The following SETDB2 variants were observed in gnomAD, a reference collection of about 807,000 sequenced individuals.
The protein encoded by SETDB2 is SET domain bifurcated histone lysine methyltransferase 2.
In SETDB2, 56 loss-of-function variants were observed where a neutral mutation model predicts 82.5. The ratio of observed to expected loss-of-function variants is 0.68; its 90% CI spans 0.55 to 0.85. The LOEUF is 0.85. Ranked by LOEUF, SETDB2 falls within the 40% of genes least tolerant of loss-of-function variation. The pLI, the probability that SETDB2 is intolerant of heterozygous loss-of-function variation, is 0.00. For missense variants in SETDB2, 677 were observed against 816.4 expected (o/e 0.83, Z 2.08); for synonymous variants, 272 against 284.9 (o/e 0.95, Z 0.46).
At chr13:49,447,509 G>C (rs1460629372) in intron 1 of SETDB2, among the ~76,000 whole-genome samples, 2 of 152,092 alleles carry the variant, frequency 1.3e-5, no homozygotes, top group African/African-American at 4.8e-5. Context: ...CTGTCATTGA[G>C]TAGGATGTTT....
intron 6 of SETDB2, 60 bp from the exon 7 acceptor site, chr13:49,480,159 A>C: frequency 9.5e-7 from 1 of 1,053,240 alleles, no homozygotes; most frequent in South Asian, 1.5e-5. Context: ...TTATCAAGAC[A>C]GTCTCTTGAC....
intron 2 of SETDB2, among the ~76,000 whole-genome samples, chr13:49,452,592 A>G (rs1325201334): frequency 1.3e-5 from 2 of 152,312 alleles, no homozygotes; most frequent in African/African-American, 4.8e-5. Flanking sequence ...TCCATAGTAT[A>G]TTCACGTTAG....
intron 3 of SETDB2, among the ~76,000 whole-genome samples, chr13:49,460,856 A>G (rs1016735971): frequency 2.0e-5 from 3 of 152,190 alleles, no homozygotes; most frequent in African/African-American, 7.2e-5. Flanking sequence ...TTCCTTGTCA[A>G]TCCTTCATGA....
chr13:49,447,848 T>TA (rs367992923), intron 1 of SETDB2, among the ~76,000 whole-genome samples: 1 of 151,874 alleles, frequency 6.6e-6, no homozygotes, highest in Non-Finnish European at 1.5e-5. Context: ...ACTTATCTCA[T>TA]AAAAAAAAGT....
Position 49,451,897 on chromosome 13 carries a change from G to A in SETDB2, c.4G>A (p.Gly2Arg). 2 of 1,593,452 alleles carry A rather than the reference G, an allele frequency of 1.3e-6. No individual in the cohort carries two copies. The highest frequency in any genetic ancestry group is 1.7e-6 in the Non-Finnish European group (2 of 1,167,424). M[G>R]EKNGDAKTFW... ...TATTTATAAGCGACATCAAAAGATG[G>A]GAGAAAAAAATGGTAGGTTGAAGAA... Residue 2 changes from glycine (G) to arginine (R), a missense_variant, in exon 2 of 14, where the codon GGA becomes AGA. Gly to Arg is a moderately radical substitution (Grantham distance 125). Transcript: ENST00000611815.
At chr13:49,475,099 G>A (rs1455070717) in intron 5 of SETDB2, among the ~76,000 whole-genome samples, 1 of 152,204 alleles carries the variant, frequency 6.6e-6, no homozygotes, top group Non-Finnish European at 1.5e-5. Context: ...GGCTGGAGAG[G>A]CCTCACACTC....
At chr13:49,447,700 C>T (rs1215994916) in intron 1 of SETDB2, among the ~76,000 whole-genome samples, 3 of 152,018 alleles carry the variant, frequency 2.0e-5, no homozygotes, top group Non-Finnish European at 4.4e-5. Flanking sequence ...TCATGTTAAA[C>T]TTTTTAGGTA....
chr13:49,470,586 A>C (rs931804188), intron 5 of SETDB2, among the ~76,000 whole-genome samples: 8 of 152,152 alleles, frequency 5.3e-5, no homozygotes, highest in African/African-American at 1.9e-4. Flanking sequence ...GGTGGCTCAC[A>C]CCTGTAATCC....
chr13:49,463,990 A>G (rs1933692668), intron 4 of SETDB2: 2 of 725,322 alleles, frequency 2.8e-6, no homozygotes, highest in Non-Finnish European at 5.1e-6. Flanking sequence ...TTTTAATTTT[A>G]TTTTTCTTTC....
intron 2 of SETDB2, among the ~76,000 whole-genome samples, chr13:49,456,303 G>A (rs999159106): frequency 6.6e-6 from 1 of 152,074 alleles, no homozygotes; most frequent in African/African-American, 2.4e-5. Flanking sequence ...ATTCAGATCA[G>A]TATTATTCAT....
chr13:49,484,063 C>CGGCA (rs1176299596), intron 10 of SETDB2, among the ~76,000 whole-genome samples: 8 of 152,198 alleles, frequency 5.3e-5, no homozygotes, highest in Non-Finnish European at 1.0e-4. Context: ...GTTCTGTTTA[C>CGGCA]TTAGTATCAT....
At chr13:49,467,985 T>G in intron 5 of SETDB2, 25 bp downstream of exon 5, 1 of 1,493,380 alleles carries the variant, frequency 6.7e-7, no homozygotes, top group Admixed American at 1.9e-5. Context: ...TCTTTGTTAT[T>G]AATGCTTTTG....
At chr13:49,460,263 T>C in intron 3 of SETDB2, 31 bp downstream of exon 3, 7 of 1,598,812 alleles carry the variant, frequency 4.4e-6, no homozygotes, top group Non-Finnish European at 6.0e-6. Flanking sequence ...TGAATATGTT[T>C]AATACTAAAT....
chr13:49,464,593 G>A (rs1449547790), intron 4 of SETDB2, among the ~76,000 whole-genome samples: 1 of 152,106 alleles, frequency 6.6e-6, no homozygotes, highest in Non-Finnish European at 1.5e-5. Context: ...CAATAGAAAT[G>A]CCGAATATTA....
intron 11 of SETDB2, 64 bp downstream of exon 11, chr13:49,485,787 A>G (rs1313061126): frequency 8.1e-7 from 1 of 1,236,032 alleles, no homozygotes; most frequent in African/African-American, 1.5e-5. Context: ...CTTGCTCAAT[A>G]CCTGTAGCTC....
intron 1 of SETDB2, chr13:49,446,544 AATACT>A (rs1016006753): frequency 1.7e-5 from 6 of 352,596 alleles, no homozygotes; most frequent in Non-Finnish European, 3.3e-5. Flanking sequence ...TTAGTGGAAA[AATACT>A]ATACTACATC....
chr13:49,470,111 T>C (rs1379339231), intron 5 of SETDB2, among the ~76,000 whole-genome samples: 2 of 152,360 alleles, frequency 1.3e-5, no homozygotes, highest in Non-Finnish European at 2.9e-5. Flanking sequence ...TGTATACTTT[T>C]AAAAATCCGA....
chr13:49,459,444 A>G (rs1047907607), intron 2 of SETDB2, among the ~76,000 whole-genome samples: 20 of 152,208 alleles, frequency 1.3e-4, no homozygotes, highest in Non-Finnish European at 1.8e-4. Context: ...ACATTGTAAC[A>G]TTGTATAAAT....
chr13:49,469,279 G>A (rs1345200583), intron 5 of SETDB2, among the ~76,000 whole-genome samples: 1 of 152,046 alleles, frequency 6.6e-6, no homozygotes, highest in Non-Finnish European at 1.5e-5. Context: ...TTTTTATTAC[G>A]CTTCAGAAAG....
Sources: gnomAD v4.1 joint callset for allele counts (sites outside exome capture counted in the v4.1 genomes callset) on GRCh38, gnomAD v4.1.1 for gene constraint, MANE v1.5 for transcripts, NCBI Gene and HGNC (gene_info 2026-07-23, HGNC 2026-07-21) for gene names.